CTNNA1: variants seen among roughly 807,000 people sequenced by gnomAD.
CTNNA1 encodes the protein catenin alpha 1.
Under a neutral mutation model 98.4 loss-of-function variants are expected in CTNNA1, and 37 were observed. The observed-to-expected ratio is 0.38, with a 90% CI of 0.29 to 0.49. The LOEUF (loss-of-function observed/expected upper bound fraction) is 0.49, where lower values mean the gene tolerates loss of function less well. Among genes scored for constraint, CTNNA1 ranks in the 20% least tolerant of loss-of-function variants. The pLI, the probability that CTNNA1 is intolerant of heterozygous loss-of-function variation, is 0.95. For missense variants in CTNNA1, 761 were observed against 1,147.2 expected, an observed-to-expected ratio of 0.66 and a Z score of 4.86; for synonymous variants, 404 against 413.2, an observed-to-expected ratio of 0.98 and a Z score of 0.27.
rs781450977 is a variant in CTNNA1 at position 138,933,861 on chromosome 5, G to A, written c.2493G>A (p.Gln831=). 1 of 1,614,186 alleles carries A rather than the reference G, an allele frequency of 6.2e-7. No homozygotes were observed. Among genetic ancestry groups the A allele is most frequent in the Non-Finnish European group, 8.5e-7 (1 of 1,180,034 alleles). The change falls in exon 18 of 18, where the codon CAG becomes CAA. Residue 831 remains glutamine, a synonymous_variant. Coordinates refer to ENST00000302763, the MANE Select transcript of CTNNA1 (RefSeq NM_001903.5). ...AAKNLMNAVV[Q]TVKASYVAST... is the part of the protein sequence containing the mutation. ...AGAACTTGATGAATGCTGTGGTGCA[G>A]ACAGTGAAGGCATCCTACGTCGCCT...
chr5:138,811,126 G>A (rs1331583380), intron 4 of CTNNA1, among the ~76,000 whole-genome samples: 86 of 151,770 alleles, frequency 5.7e-4, no homozygotes, highest in African/African-American at 1.9e-3. Context: ...CAGATGGGGC[G>A]GCTGCCGGGC....
intron 8 of CTNNA1, 120 bp from the exon 9 acceptor site, chr5:138,887,369 TG>T: frequency 1.5e-6 from 1 of 662,294 alleles, no homozygotes; most frequent in African/African-American, 1.9e-5. Context: ...GGGGTCCTCA[TG>T]TAAGTGCAGC....
intron 3 of CTNNA1, among the ~76,000 whole-genome samples, chr5:138,788,104 C>A (rs995181256): frequency 6.6e-6 from 1 of 152,044 alleles, no homozygotes; most frequent in Non-Finnish European, 1.5e-5. Flanking sequence ...CCTCCCGTAT[C>A]CCCCCATCCT....
At chr5:138,797,249 A>G (rs920942685) in intron 3 of CTNNA1, among the ~76,000 whole-genome samples, 17 of 152,234 alleles carry the variant, frequency 1.1e-4, no homozygotes, top group Non-Finnish European at 4.4e-5. Context: ...ATATAAAAGT[A>G]TATTCACTAT....
At position 138,873,583 on chromosome 5, in the gene CTNNA1, C is replaced by T. The variant is rs930880454; in HGVS notation, c.1063-12629C>T. 6.2e-7 allele frequency: 1 copy of T among 1,613,836 alleles called. No homozygotes were observed. The highest frequency in any genetic ancestry group is 8.5e-7 in the Non-Finnish European group (1 of 1,179,892). ...GTTCCCACCGACCTTGGAAACTGCC[C>T]AGCCAGGAGGCCAGAGCACATATTC... On this transcript the variant is annotated intron_variant, in intron 7 of 17. Transcript: ENST00000302763. This position sits in a 1 kb window ranked among gnomAD's most constrained non-coding sequence, Gnocchi z 6.1.
chr5:138,934,383 A>AGAT lies in CTNNA1; in HGVS notation c.*296_*298dup, dbSNP rs1381598987. ...TGTTAGTAATGCTCTGACCAAGCCGAGATGCCCATTCTCTTAGTGATGGCG... is the reference window on the plus strand; with the variant it reads ...TGTTAGTAATGCTCTGACCAAGCCGAGATGATGCCCATTCTCTTAGTGATGGCG... On this transcript the variant is annotated 3_prime_UTR_variant, in exon 18 of 18. Transcript: ENST00000302763. 3.0e-6 allele frequency: 1 copy of AGAT among 335,632 alleles called. No individual in the cohort carries two copies. Among genetic ancestry groups the AGAT allele is most frequent in the Middle Eastern group, 8.8e-4 (1 of 1,132 alleles). The allele number at this position is 335,632 out of a possible 1,614,324, so 20.8% of individuals were successfully genotyped here.
chr5:138,934,156 A>G lies in CTNNA1; in HGVS notation c.*67A>G, dbSNP rs1386633732. The G allele has an allele frequency of 1.6e-6, 2 of 1,253,332 alleles. No individual in the cohort carries two copies. The highest frequency in any genetic ancestry group is 3.0e-5 in the African/African-American group (2 of 67,738). The allele number at this position is 1,253,332 out of a possible 1,614,324, so 77.6% of individuals were successfully genotyped here. ...ATATCAGTCACTGTTCGTCACTCAA[A>G]TGAATTTGCTAAATACAACACTGAT... On this transcript the variant is annotated 3_prime_UTR_variant, in exon 18 of 18. Coordinates refer to ENST00000302763, the MANE Select transcript of CTNNA1 (RefSeq NM_001903.5).
At chr5:138,844,023 T>A (rs1762489930) in intron 7 of CTNNA1, among the ~76,000 whole-genome samples, 1 of 152,168 alleles carries the variant, frequency 6.6e-6, no homozygotes. Flanking sequence ...TCTTAAGGCT[T>A]TTTTTGGAGA....
At chr5:138,822,431 G>C (rs1485582627) in intron 5 of CTNNA1, among the ~76,000 whole-genome samples, 5 of 152,186 alleles carry the variant, frequency 3.3e-5, no homozygotes, top group Non-Finnish European at 5.9e-5. Flanking sequence ...AAGCTATGCT[G>C]ATCTAGGTCA....
intron 7 of CTNNA1, among the ~76,000 whole-genome samples, chr5:138,882,224 A>C (rs566897820): frequency 6.6e-6 from 1 of 152,356 alleles, no homozygotes; most frequent in South Asian, 2.1e-4. Context: ...GAGGTTGGCT[A>C]GCAGAAGCTT....
intron 10 of CTNNA1, among the ~76,000 whole-genome samples, chr5:138,909,759 T>TG: frequency 6.6e-6 from 1 of 152,208 alleles, no homozygotes; most frequent in Non-Finnish European, 1.5e-5. Flanking sequence ...ATTGTGCTTA[T>TG]GGGAACCCTG....
intron 10 of CTNNA1, 89 bp from the exon 11 acceptor site, chr5:138,917,653 T>C: frequency 5.4e-6 from 7 of 1,301,700 alleles, no homozygotes; most frequent in Non-Finnish European, 7.6e-6. Flanking sequence ...GGATAGAGCA[T>C]GTGGTGTGAT....
rs28363435 is a variant in CTNNA1 at position 138,874,363 on chromosome 5, C to G, written c.1063-11849C>G. The G allele has an allele frequency of 6.2e-7, 1 of 1,613,884 alleles. No individual in the cohort carries two copies. Among genetic ancestry groups the G allele is most frequent in the Admixed American group, 1.7e-5 (1 of 60,010 alleles). On this transcript the variant is annotated intron_variant, in intron 7 of 17. Coordinates refer to ENST00000302763, the MANE Select transcript of CTNNA1 (RefSeq NM_001903.5). This position sits in a 1 kb window ranked among gnomAD's most constrained non-coding sequence, Gnocchi z 4.1. ...CTGTGATGTGATTGTGCCTCAGGGACAGGCCCAGAGAGCCCTTGTCTGTGG... is the reference window on the plus strand; with the variant it reads ...CTGTGATGTGATTGTGCCTCAGGGAGAGGCCCAGAGAGCCCTTGTCTGTGG...
At chr5:138,814,423 A>G (rs1759194964) in intron 5 of CTNNA1, among the ~76,000 whole-genome samples, 2 of 152,170 alleles carry the variant, frequency 1.3e-5, no homozygotes, top group African/African-American at 2.4e-5. Flanking sequence ...TCTCCATCAT[A>G]TAAATTATAA....
chr5:138,833,367 C>T (rs1294540691), intron 7 of CTNNA1, among the ~76,000 whole-genome samples: 1 of 152,172 alleles, frequency 6.6e-6, no homozygotes, highest in East Asian at 1.9e-4. Flanking sequence ...CTATTGAGCA[C>T]TTGAAATGTG....
At chr5:138,903,589 AC>A (rs1758551503) in intron 9 of CTNNA1, among the ~76,000 whole-genome samples, 1 of 152,224 alleles carries the variant, frequency 6.6e-6, no homozygotes, top group African/African-American at 2.4e-5. Context: ...AGGAAGTATG[AC>A]ACAACCTGGA....
intron 9 of CTNNA1, chr5:138,887,879 CACTT>C (rs778712120): frequency 2.9e-6 from 1 of 347,558 alleles, no homozygotes; most frequent in Non-Finnish European, 5.2e-6. Flanking sequence ...CTAACATCTC[CACTT>C]AATGCAAATA....
intron 7 of CTNNA1, among the ~76,000 whole-genome samples, chr5:138,847,653 A>C (rs1322203375): frequency 6.6e-6 from 1 of 152,152 alleles, no homozygotes; most frequent in Non-Finnish European, 1.5e-5. Context: ...AGAGGTGGTC[A>C]CCCTTAGATC....
chr5:138,930,777 C>T lies in CTNNA1; in HGVS notation c.2193-53C>T, dbSNP rs28363490. 7.1e-4 allele frequency: 1,075 copies of T among 1,522,592 alleles called. 3 individuals carry two copies. Among genetic ancestry groups the T allele is most frequent in the Middle Eastern group, 1.2e-3 (7 of 5,876 alleles). 94.3% of individuals were successfully genotyped at this position (1,522,592 alleles called of 1,614,324 possible). ...TGTGGACAATCTTCTTTTTCTACTC[C>T]AACTGTGAGGGGCTTCACATACAAT... On this transcript the variant is annotated intron_variant, in intron 15 of 17. Coordinates refer to ENST00000302763, the MANE Select transcript of CTNNA1 (RefSeq NM_001903.5).
Sources: allele counts gnomAD v4.1 joint callset (sites outside exome capture counted in the v4.1 genomes callset), GRCh38; gene constraint gnomAD v4.1.1; non-coding constraint Gnocchi (gnomAD v3.1); transcripts MANE v1.5; gene names NCBI Gene and HGNC (gene_info 2026-07-23, HGNC 2026-07-21).